CTCF: variants seen among roughly 807,000 people sequenced by gnomAD.
CTCF encodes transcriptional repressor CTCF.
CTCF carries 7 observed loss-of-function variants against 72.3 expected under a neutral mutation model. The observed-to-expected ratio is 0.10, with a 90% CI of 0.06 to 0.18. The LOEUF (loss-of-function observed/expected upper bound fraction) is 0.18. Ranked by LOEUF, CTCF falls within the 10% of genes least tolerant of loss-of-function variation. The pLI is 1.00. For missense variants in CTCF, 516 were observed against 949.1 expected (o/e 0.54, Z 6.00); for synonymous variants, 374 against 315.8 (o/e 1.18, Z -1.95).
chr16:67,602,859 AAAG>A (rs1477622909), intron 2 of CTCF, among the ~76,000 whole-genome samples: 2 of 151,368 alleles, frequency 1.3e-5, no homozygotes, highest in Non-Finnish European at 2.9e-5. Flanking sequence ...AAAAAAAAAA[AAAG>A]AGAAGAAAAT....
intron 2 of CTCF, among the ~76,000 whole-genome samples, chr16:67,575,128 A>G (rs1324354953): frequency 6.6e-6 from 1 of 152,170 alleles, no homozygotes; most frequent in Admixed American, 6.5e-5. Flanking sequence ...GCATGCCTGT[A>G]GTCCTAGCTA....
chr16:67,571,052 T>G (rs541926150), intron 1 of CTCF, 96 bp from the exon 2 acceptor site: 37 of 152,412 alleles, frequency 2.4e-4, no homozygotes, highest in African/African-American at 8.7e-4. Context: ...CTTTCCCAAT[T>G]TTTTCTGTCT....
rs971514337 is a variant in CTCF, at chr16:67,573,991, A to G, written c.-10+2727A>G. On this transcript the variant is annotated intron_variant, in intron 2 of 11. Transcript: ENST00000264010. ...AGTTGCAGTGAGCCGAGATCATGCC[A>G]CTGTACTCTGGCTTGGCGACAAGGC... 4.6e-5 allele frequency among the ~76,000 whole-genome samples: 7 copies of G among 151,744 alleles called. No homozygotes were observed. In the East Asian group the frequency reaches 7.7e-4, roughly 17 times the overall value.
intron 1 of CTCF, among the ~76,000 whole-genome samples, chr16:67,566,900 G>A (rs1023011091): frequency 2.0e-5 from 3 of 151,954 alleles, no homozygotes; most frequent in African/African-American, 7.3e-5. Context: ...TTTTAAGACA[G>A]GGTCTTTCTC....
At chr16:67,585,090 G>T (rs2051651533) in intron 2 of CTCF, among the ~76,000 whole-genome samples, 1 of 152,178 alleles carries the variant, frequency 6.6e-6, no homozygotes, top group Non-Finnish European at 1.5e-5. Flanking sequence ...TTACTGCCCA[G>T]TCTGGAGTGC....
In CTCF at chr16:67,610,887, G is replaced by A; in HGVS notation, c.55G>A (p.Gly19Arg). The part of the protein sequence containing the change: ...IVEESETFIK[G>R]KERKTYQRRR... ...GGAGGAGTCCGAAACTTTTATTAAA[G>A]GAAAGGAGAGAAAGACTTACCAGAG... The change falls in exon 3 of 12, where the codon GGA (glycine) becomes AGA (arginine). Residue 19 changes from glycine (G) to arginine (R), a missense_variant. Physicochemically the swap from Gly to Arg is moderately radical, Grantham distance 125. This residue lies in a region of CTCF where 148 missense variants were observed against 194.9 expected (regional missense o/e 0.76). Transcript: ENST00000264010. The A allele has an allele frequency of 6.6e-7, 1 of 1,511,234 alleles. No individual in the cohort carries two copies. The highest frequency in any genetic ancestry group is 8.8e-7 in the Non-Finnish European group (1 of 1,130,344). The allele number at this position is 1,511,234 out of a possible 1,614,324, so 93.6% of individuals were successfully genotyped here. A position where few individuals can be genotyped will look rare whatever the true frequency, so the allele number is the denominator to read the frequency against.
chr16:67,603,198 C>A (rs1010931141), intron 2 of CTCF, among the ~76,000 whole-genome samples: 2 of 151,858 alleles, frequency 1.3e-5, no homozygotes, highest in African/African-American at 4.8e-5. Flanking sequence ...TCAAGACCAG[C>A]CTGGGCAACA....
chr16:67,574,745 G>A (rs1363978949), intron 2 of CTCF, among the ~76,000 whole-genome samples: 7 of 134,952 alleles, frequency 5.2e-5, no homozygotes, highest in African/African-American at 1.7e-4. Context: ...TGCAAGCTCC[G>A]CATCCCAGGT....
chr16:67,637,721 C>T lies in CTCF; in HGVS notation c.2033C>T (p.Thr678Ile), dbSNP rs1335652668. 1.9e-6 allele frequency: 3 copies of T among 1,613,716 alleles called. No homozygotes were observed. In the African/African-American group the frequency reaches 4.0e-5, roughly 22 times the overall value. ...TAIIQVEDQN[T>I]GAIENIIVEV... ...ATCATTCAGGTTGAAGACCAGAATA[C>T]AGGTGCAATTGAGAACATTATAGTT... The change falls in exon 12 of 12, where the codon ACA (threonine) becomes ATA (isoleucine). Residue 678 changes from threonine (T) to isoleucine (I), a missense_variant. By Grantham distance (89) the Thr-to-Ile change is moderately conservative. Coordinates refer to ENST00000264010, the MANE Select transcript of CTCF (RefSeq NM_006565.4).
At position 67,636,798 on chromosome 16, in the gene CTCF, A is replaced by G. The variant is rs1168055109; in HGVS notation, c.1946A>G (p.Lys649Arg). 6.2e-7 allele frequency: 1 copy of G among 1,601,334 alleles called. No individual in the cohort carries two copies. The highest frequency in any genetic ancestry group is 1.7e-5 in the Admixed American group (1 of 58,458). The change falls in exon 11 of 12, where the codon AAG (lysine) becomes AGG (arginine). Residue 649 changes from lysine (K) to arginine (R), a missense_variant. By Grantham distance (26) the Lys-to-Arg change is conservative. Around this residue, in one of 7 missense-constraint regions of CTCF, gnomAD observed 157 missense variants for 172.9 expected, o/e 0.91. Transcript: ENST00000264010. ...GTGACCCCAGCCCCACCACCCGCCAAGAAGCGGAGAGGACGACCCCCTGGC... is the reference window on the plus strand; with the variant it reads ...GTGACCCCAGCCCCACCACCCGCCAGGAAGCGGAGAGGACGACCCCCTGGC... ...QPVTPAPPPA[K>R]KRRGRPPGRT...
intron 2 of CTCF, among the ~76,000 whole-genome samples, chr16:67,572,954 C>T (rs1191711911): frequency 7.4e-6 from 1 of 134,696 alleles, no homozygotes; most frequent in Admixed American, 7.3e-5. Context: ...CCCGCCCCCC[C>T]CCCCAAAACA....
intron 2 of CTCF, among the ~76,000 whole-genome samples, chr16:67,594,637 C>T (rs2051788607): frequency 6.6e-6 from 1 of 152,098 alleles, no homozygotes; most frequent in Non-Finnish European, 1.5e-5. Flanking sequence ...AAGGTAAATT[C>T]GTATACTTAG....
chr16:67,632,858 A>T (rs1188547442), intron 10 of CTCF, among the ~76,000 whole-genome samples: 1 of 152,200 alleles, frequency 6.6e-6, no homozygotes, highest in African/African-American at 2.4e-5. Flanking sequence ...TTACCCACAG[A>T]TCTCTAAATT....
At chr16:67,628,664 A>G in intron 9 of CTCF, 112 bp downstream of exon 9, 1 of 1,098,264 alleles carries the variant, frequency 9.1e-7, no homozygotes. Flanking sequence ...GAGATGCTCC[A>G]TTGTTTGGAA....
intron 2 of CTCF, among the ~76,000 whole-genome samples, chr16:67,575,641 C>T (rs1458117914): frequency 6.6e-6 from 1 of 152,030 alleles, no homozygotes; most frequent in Non-Finnish European, 1.5e-5. Flanking sequence ...CGGGGTTTCA[C>T]CATATTGGCT....
intron 2 of CTCF, among the ~76,000 whole-genome samples, chr16:67,608,414 T>C (rs1216980683): frequency 2.0e-5 from 3 of 152,086 alleles, no homozygotes; most frequent in Non-Finnish European, 4.4e-5. Flanking sequence ...GAGAGGTGAA[T>C]GTCAAGTTGA....
At chr16:67,579,513 C>A (rs1410065581) in intron 2 of CTCF, among the ~76,000 whole-genome samples, 6 of 151,884 alleles carry the variant, frequency 4.0e-5, no homozygotes, top group Non-Finnish European at 5.9e-5. Context: ...CACATGCCAC[C>A]ATGCCCGGCT....
chr16:67,629,644 T>C (rs1247482844), intron 10 of CTCF, 111 bp downstream of exon 10: 3 of 986,500 alleles, frequency 3.0e-6, no homozygotes, highest in Non-Finnish European at 4.3e-6. Flanking sequence ...CACTCTTCCT[T>C]TCTTTAAACT....
At chr16:67,608,707 A>G (rs1267562903) in intron 2 of CTCF, among the ~76,000 whole-genome samples, 1 of 151,724 alleles carries the variant, frequency 6.6e-6, no homozygotes, top group Non-Finnish European at 1.5e-5. Flanking sequence ...AAAACAAAAT[A>G]CAAGGAAATT....
Sources: gnomAD v4.1 joint callset for allele counts (sites outside exome capture counted in the v4.1 genomes callset) on GRCh38, gnomAD v4.1.1 for gene constraint, gnomAD v4.1.1 regional missense constraint, MANE v1.5 for transcripts, NCBI Gene and HGNC (gene_info 2026-07-23, HGNC 2026-07-21) for gene names.